DNAH8: variants seen among roughly 807,000 people sequenced by gnomAD.
The protein encoded by DNAH8 is dynein axonemal heavy chain 8, also known as axonemal beta dynein heavy chain 8.
Under a neutral mutation model 562.1 loss-of-function variants are expected in DNAH8, and 382 were observed. That is an observed-to-expected ratio of 0.68 (90% CI 0.63 to 0.74). The LOEUF is 0.74. DNAH8 is among the 30% of genes least tolerant of loss of function. DNAH8 has a pLI of 0.00. For missense variants in DNAH8, 5,203 were observed against 5,620.4 expected, an observed-to-expected ratio of 0.93 and a Z score of 2.37; for synonymous variants, 1,881 against 1,919.4, an observed-to-expected ratio of 0.98 and a Z score of 0.52.
intron 32 of DNAH8, 140 bp downstream of exon 32, chr6:38,834,781 T>C: frequency 3.2e-6 from 2 of 621,846 alleles, no homozygotes; most frequent in South Asian, 4.5e-5. Context: ...ATCTGCTAAA[T>C]GATGCAATTG....
intron 87 of DNAH8, among the ~76,000 whole-genome samples, chr6:38,988,454 C>T (rs540925344): frequency 6.6e-6 from 1 of 152,232 alleles, no homozygotes; most frequent in African/African-American, 2.4e-5. Flanking sequence ...GGCCTTTGCC[C>T]CCTTAGGGTG....
intron 39 of DNAH8, 151 bp from the exon 40 acceptor site, chr6:38,852,543 T>C (rs746629814): frequency 2.6e-4 from 143 of 560,286 alleles, no homozygotes; most frequent in Middle Eastern, 1.1e-3. Flanking sequence ...TCCAAGCCAG[T>C]TAAGGGTCAA....
At chr6:39,018,388 T>C (rs7766930) in intron 91 of DNAH8, among the ~76,000 whole-genome samples, 122,431 of 152,084 alleles carry the variant, frequency 0.81, 49,984 homozygotes, top group Middle Eastern at 0.88. Context: ...AATGCTGACT[T>C]TGAAAACTCT....
intron 3 of DNAH8, among the ~76,000 whole-genome samples, chr6:38,727,881 C>A (rs1763354198): frequency 6.6e-6 from 1 of 152,120 alleles, no homozygotes; most frequent in Non-Finnish European, 1.5e-5. Flanking sequence ...GGTTGTGGTA[C>A]ATGGAAGGAG....
At chr6:38,739,321 A>G (rs1764346320) in intron 7 of DNAH8, among the ~76,000 whole-genome samples, 1 of 152,200 alleles carries the variant, frequency 6.6e-6, no homozygotes, top group African/African-American at 2.4e-5. Context: ...CAACCTAGCT[A>G]TCCCCAGTGA....
intron 57 of DNAH8, 96 bp from the exon 58 acceptor site, chr6:38,890,556 A>G (rs1386179207): frequency 2.3e-6 from 2 of 877,634 alleles, no homozygotes; most frequent in African/African-American, 1.7e-5. Flanking sequence ...AACAACACCC[A>G]GCTTAGTCAG....
intron 78 of DNAH8, among the ~76,000 whole-genome samples, chr6:38,938,504 A>G (rs375183850): frequency 1.5e-4 from 23 of 152,296 alleles, no homozygotes; most frequent in African/African-American, 5.5e-4. Context: ...AAAACCAAAT[A>G]CCGCATAGTC....
chr6:38,904,152 T>A (rs1167010382), intron 62 of DNAH8, among the ~76,000 whole-genome samples: 1 of 152,198 alleles, frequency 6.6e-6, no homozygotes, highest in African/African-American at 2.4e-5. Context: ...AATAAAAAAA[T>A]GACCAGCTTT....
chr6:38,740,573 G>A (rs755237820), intron 7 of DNAH8, among the ~76,000 whole-genome samples: 6 of 151,834 alleles, frequency 4.0e-5, no homozygotes, highest in Non-Finnish European at 7.4e-5. Context: ...AATTGCTCAC[G>A]TTTATTAATT....
rs942036738 is a variant in DNAH8 at position 38,873,061 on chromosome 6, A to G, written c.7393A>G (p.Ile2465Val). 3.1e-6 allele frequency: 5 copies of G among 1,613,966 alleles called. No individual in the cohort carries two copies. In the African/African-American group the frequency reaches 6.7e-5, roughly 22 times the overall value. Residue 2465 changes from isoleucine to valine, a missense_variant, in exon 51 of 93, where the codon ATC becomes GTC. This residue lies in a region of DNAH8 where 977 missense variants were observed against 1,061.8 expected (regional missense o/e 0.92). Transcript: ENST00000327475. Reference sequence around the variant, plus strand: ...TAAGCTTCTGTTTGAAGTCCACAATATCGAGAACGCCTCTCCTGCCACGGT... The same window carrying G: ...TAAGCTTCTGTTTGAAGTCCACAATGTCGAGAACGCCTCTCCTGCCACGGT... ...SCKLLFEVHN[I>V]ENASPATVSR...
rs199802771 is a variant in DNAH8 at position 38,822,896 on chromosome 6, G to A, written c.3582G>A (p.Ala1194=). ...RKLKNFYPGV[A]EHKDISKLVL... ...TGAAGAATTTTTACCCGGGGGTAGC[G>A]GAGCACAAGGATATTTCTAAGTTGG... Residue 1194 remains alanine, a synonymous_variant, in exon 27 of 93, where the codon GCG becomes GCA. Transcript: ENST00000327475. The A allele has an allele frequency of 1.5e-4, 239 of 1,609,234 alleles. No homozygotes were observed. In the East Asian group the frequency reaches 4.0e-3, roughly 27 times the overall value.
rs115276427 is a variant in DNAH8 at position 38,890,954 on chromosome 6, C to T, written c.8583+193C>T. On this transcript the variant is annotated intron_variant, in intron 58 of 92. Coordinates refer to ENST00000327475, the MANE Select transcript of DNAH8 (RefSeq NM_001206927.2). ...AATGATCTGACTAAATGATGCTTTCCGTATGTATGAGATGTTACTGTAAAC... is the reference window on the plus strand; with the variant it reads ...AATGATCTGACTAAATGATGCTTTCTGTATGTATGAGATGTTACTGTAAAC... Among the ~76,000 whole-genome samples, 487 of 152,190 alleles carry T rather than the reference C, an allele frequency of 3.2e-3. 2 individuals carry two copies. The highest frequency in any genetic ancestry group is 0.011 in the African/African-American group (449 of 41,500).
intron 91 of DNAH8, among the ~76,000 whole-genome samples, chr6:39,025,544 G>C (rs1391705297): frequency 2.6e-5 from 4 of 152,128 alleles, no homozygotes; most frequent in Admixed American, 2.6e-4. Context: ...GCCAGGCTAG[G>C]ACCTATTCTT....
intron 87 of DNAH8, 90 bp downstream of exon 87, chr6:38,984,397 A>T: frequency 1.3e-6 from 1 of 781,788 alleles, no homozygotes; most frequent in Non-Finnish European, 2.3e-6. Flanking sequence ...AAACTCAAGC[A>T]TACAGCAGAG....
At chr6:38,925,284 T>C (rs550903843) in intron 73 of DNAH8, among the ~76,000 whole-genome samples, 1,894 of 146,810 alleles carry the variant, frequency 0.013, 39 homozygotes, top group Middle Eastern at 0.038. Flanking sequence ...ATTGGATCTC[T>C]GATTATTTTA....
intron 68 of DNAH8, among the ~76,000 whole-genome samples, chr6:38,915,916 A>G (rs1016769654): frequency 1.3e-5 from 2 of 152,098 alleles, no homozygotes; most frequent in African/African-American, 4.8e-5. Flanking sequence ...ATATACACAC[A>G]TATATACACA....
chr6:39,016,572 AG>A, intron 91 of DNAH8, among the ~76,000 whole-genome samples: 1 of 152,114 alleles, frequency 6.6e-6, no homozygotes, highest in East Asian at 1.9e-4. Context: ...AAAAGAAAAA[AG>A]CCCTACATAT....
At chr6:38,976,108 G>A (rs772299503) in intron 85 of DNAH8, among the ~76,000 whole-genome samples, 1 of 152,222 alleles carries the variant, frequency 6.6e-6, no homozygotes, top group Non-Finnish European at 1.5e-5. Context: ...ATAAAAGGCT[G>A]AATATCTCTT....
chr6:38,870,616 C>T, intron 49 of DNAH8, 54 bp downstream of exon 49: 2 of 1,522,818 alleles, frequency 1.3e-6, no homozygotes, highest in Non-Finnish European at 1.8e-6. Context: ...GTTAAACATT[C>T]CTGTCTGAAT....
Sources: allele counts gnomAD v4.1 joint callset (sites outside exome capture counted in the v4.1 genomes callset), GRCh38; gene constraint gnomAD v4.1.1; regional missense constraint gnomAD v4.1.1; transcripts MANE v1.5; gene names NCBI Gene and HGNC (gene_info 2026-07-23, HGNC 2026-07-21).